Variants in LPAR6 observed in about 807,000 individuals in gnomAD.
The protein encoded by LPAR6 is lysophosphatidic acid receptor 6, also known as G-protein coupled purinergic receptor P2Y5.
In LPAR6, 17 loss-of-function variants were observed where a neutral mutation model predicts 22.0. That is an observed-to-expected ratio of 0.77 (90% confidence interval 0.53 to 1.16). LPAR6 has a LOEUF of 1.16. Among genes scored for constraint, LPAR6 ranks in the 50% most tolerant of loss-of-function variants. The pLI, the probability that LPAR6 is intolerant of heterozygous loss-of-function variation, is 0.00. For synonymous variants in LPAR6, 136 were observed against 139.8 expected, an observed-to-expected ratio of 0.97 and a Z score of 0.19; for missense variants, 384 against 406.9, an observed-to-expected ratio of 0.94 and a Z score of 0.48.
chr13:48,429,464 A>C (rs1418181161), upstream of LPAR6: 3 of 152,218 alleles, frequency 2.0e-5, no homozygotes. Context: ...CCCAGGTCGG[A>C]AAGTAGAAGG....
chr13:48,401,985 A>G (rs1948696264), intron 1 of LPAR6, among the ~76,000 whole-genome samples: 1 of 152,122 alleles, frequency 6.6e-6, no homozygotes, highest in African/African-American at 2.4e-5. Flanking sequence ...TTAATTGTCT[A>G]AAAGTTTTTA....
chr13:48,397,849 G>GAAC (rs1948660728), intron 1 of LPAR6, among the ~76,000 whole-genome samples: 1 of 152,222 alleles, frequency 6.6e-6, no homozygotes, highest in African/African-American at 2.4e-5. Context: ...ACAAAAGGGA[G>GAAC]AACAGTCTGT....
intron 1 of LPAR6, among the ~76,000 whole-genome samples, chr13:48,426,356 G>A: frequency 6.6e-6 from 1 of 152,210 alleles, no homozygotes; most frequent in East Asian, 1.9e-4. Context: ...TGCTCTGTCA[G>A]ATAAAGAAGT....
chr13:48,399,392 T>C (rs1948673541), intron 1 of LPAR6, among the ~76,000 whole-genome samples: 1 of 151,894 alleles, frequency 6.6e-6, no homozygotes, highest in Non-Finnish European at 1.5e-5. Flanking sequence ...GAACTAATAA[T>C]CTACAAAAAT....
intron 1 of LPAR6, among the ~76,000 whole-genome samples, chr13:48,400,764 G>A (rs1043709960): frequency 6.6e-6 from 1 of 152,110 alleles, no homozygotes; most frequent in Non-Finnish European, 1.5e-5. Context: ...AGGAATAAAT[G>A]AGCATTTATG....
upstream of LPAR6, among the ~76,000 whole-genome samples, chr13:48,416,921 G>C (rs1948921128): frequency 6.6e-6 from 1 of 152,182 alleles, no homozygotes; most frequent in Non-Finnish European, 1.5e-5. Flanking sequence ...CCCCAGTCAG[G>C]GGCTTATAGA....
At chr13:48,393,255 T>C (rs1299440995) in intron 1 of LPAR6, among the ~76,000 whole-genome samples, 3 of 152,218 alleles carry the variant, frequency 2.0e-5, no homozygotes, top group Non-Finnish European at 4.4e-5. Context: ...GAGTTCTCTT[T>C]TTGTAGCTTT....
chr13:48,394,161 C>A (rs2138165571), intron 1 of LPAR6, among the ~76,000 whole-genome samples: 1 of 152,264 alleles, frequency 6.6e-6, no homozygotes, highest in Non-Finnish European at 1.5e-5. Flanking sequence ...TGGGGAACTC[C>A]CTCCCCTAGC....
Position 48,411,180 on chromosome 13 carries a change from G to T in LPAR6, c.*209C>A. On this transcript the variant is annotated 3_prime_UTR_variant, in exon 1 of 1. Transcript: ENST00000620633. ...TTTTAATGAAGGAACAAATCAAAAT[G>T]GCTCAGAAAAATCAGATGGAGTGGA... is the stretch of plus-strand genomic sequence containing the variant. 2.1e-6 allele frequency: 1 copy of T among 469,840 alleles called. No individual in the cohort carries two copies. Among genetic ancestry groups the T allele is most frequent in the Non-Finnish European group, 3.8e-6 (1 of 262,424 alleles). 29.1% of individuals were successfully genotyped at this position (469,840 alleles called of 1,614,324 possible). A position where few individuals can be genotyped will look rare whatever the true frequency, so the allele number is the denominator to read the frequency against.
chr13:48,394,163 T>C (rs913246817), intron 1 of LPAR6, among the ~76,000 whole-genome samples: 5 of 152,088 alleles, frequency 3.3e-5, no homozygotes, highest in African/African-American at 1.2e-4. Flanking sequence ...GGGAACTCCC[T>C]CCCCTAGCCA....
intron 1 of LPAR6, among the ~76,000 whole-genome samples, chr13:48,392,569 GT>G (rs1322943493): frequency 2.0e-5 from 3 of 151,780 alleles, no homozygotes; most frequent in Admixed American, 1.3e-4. Flanking sequence ...TCTTACTATA[GT>G]TTTCATTTCT....
chr13:48,430,826 G>A (rs1454142546), upstream of LPAR6, among the ~76,000 whole-genome samples: 1 of 152,106 alleles, frequency 6.6e-6, no homozygotes, highest in African/African-American at 2.4e-5. Flanking sequence ...CAAAGAGGCT[G>A]AAGCAGAAGG....
At chr13:48,431,785 A>C (rs1949132222), upstream of LPAR6, among the ~76,000 whole-genome samples, 1 of 152,206 alleles carries the variant, frequency 6.6e-6, no homozygotes, top group Non-Finnish European at 1.5e-5. Context: ...CTAACCGAAA[A>C]AGATTGCTGG....
intron 1 of LPAR6, among the ~76,000 whole-genome samples, chr13:48,392,945 G>C (rs1009811830): frequency 2.0e-5 from 3 of 152,128 alleles, no homozygotes; most frequent in East Asian, 1.9e-4. Flanking sequence ...CTTTTTTAAG[G>C]CTTCATTTAT....
intron 1 of LPAR6, among the ~76,000 whole-genome samples, chr13:48,424,868 C>T (rs542182540): frequency 6.6e-6 from 1 of 152,022 alleles, no homozygotes; most frequent in Non-Finnish European, 1.5e-5. Flanking sequence ...GCCTGGCCAA[C>T]ATGGTGAAAC....
At chr13:48,399,702 T>C (rs956751403) in intron 1 of LPAR6, among the ~76,000 whole-genome samples, 4 of 152,034 alleles carry the variant, frequency 2.6e-5, no homozygotes, top group African/African-American at 7.2e-5. Context: ...CTGTGTTAAA[T>C]GCTTATGTAA....
At chr13:48,437,802 C>A (rs897361859) in intron 1 of LPAR6, among the ~76,000 whole-genome samples, 1 of 152,180 alleles carries the variant, frequency 6.6e-6, no homozygotes, top group African/African-American at 2.4e-5. Context: ...TGCCCTATGT[C>A]ATTGGCCCAC....
At chr13:48,413,630 G>A (rs1002481628), upstream of LPAR6, among the ~76,000 whole-genome samples, 2 of 152,230 alleles carry the variant, frequency 1.3e-5, no homozygotes, top group African/African-American at 4.8e-5. Flanking sequence ...ATCATTATGA[G>A]TAGCTCTTAT....
chr13:48,420,273 C>G (rs1332870423), intron 2 of LPAR6, among the ~76,000 whole-genome samples: 1 of 152,072 alleles, frequency 6.6e-6, no homozygotes, highest in Non-Finnish European at 1.5e-5. Flanking sequence ...TAAACAGAAC[C>G]AAAGATAAAA....
Sources: gnomAD v4.1 joint callset for allele counts (sites outside exome capture counted in the v4.1 genomes callset) on GRCh38, gnomAD v4.1.1 for gene constraint, MANE v1.5 for transcripts, NCBI Gene and HGNC (gene_info 2026-07-23, HGNC 2026-07-21) for gene names.